The following GFPT1 variants were observed in gnomAD, a reference collection of about 807,000 sequenced individuals.
GFPT1 encodes the protein glutamine--fructose-6-phosphate transaminase 1.
A neutral mutation model predicts 92.0 loss-of-function variants in GFPT1; 40 were observed. That is an observed-to-expected ratio of 0.43 (90% confidence interval 0.34 to 0.57). The LOEUF (loss-of-function observed/expected upper bound fraction) is 0.57. Ranked by LOEUF, GFPT1 falls within the 20% of genes least tolerant of loss-of-function variation. The probability of loss-of-function intolerance (pLI) is 0.02; values close to 1 mark genes in which losing one functional copy is unlikely to be tolerated. For synonymous variants in GFPT1, 269 were observed against 280.6 expected (o/e 0.96, Z 0.41); for missense variants, 448 against 869.1 (o/e 0.52, Z 6.09).
chr2:69,349,721 T>C (rs961314425), intron 10 of GFPT1, among the ~76,000 whole-genome samples: 1 of 152,196 alleles, frequency 6.6e-6, no homozygotes, highest in Non-Finnish European at 1.5e-5. Context: ...TTAGCAACTA[T>C]GCTATAACTA....
At chr2:69,357,513 G>C (rs1437182537) in intron 6 of GFPT1, among the ~76,000 whole-genome samples, 1 of 152,200 alleles carries the variant, frequency 6.6e-6, no homozygotes, top group African/African-American at 2.4e-5. Flanking sequence ...GGCTGGGAAG[G>C]CACACTACTC....
chr2:69,342,514 A>G (rs1275927437), intron 12 of GFPT1, among the ~76,000 whole-genome samples: 1 of 152,150 alleles, frequency 6.6e-6, no homozygotes, highest in East Asian at 1.9e-4. Flanking sequence ...ATTCTACCTT[A>G]GTTAGTTATT....
intron 1 of GFPT1, among the ~76,000 whole-genome samples, chr2:69,386,027 T>TAAA (rs370310082): frequency 1.7e-3 from 233 of 140,332 alleles, no homozygotes; most frequent in African/African-American, 5.7e-3. Context: ...TACTTCCCTT[T>TAAA]AAAAAAAAAA....
At chr2:69,365,635 A>G (rs1390701219) in intron 3 of GFPT1, among the ~76,000 whole-genome samples, 1 of 152,196 alleles carries the variant, frequency 6.6e-6, no homozygotes, top group East Asian at 1.9e-4. Flanking sequence ...TATACATGGC[A>G]GATACCTTTT....
Position 69,324,351 on chromosome 2 carries a change from C to A in GFPT1, c.*1838G>T, listed in dbSNP as rs1020932674. 3 of 152,074 alleles carry A rather than the reference C, an allele frequency of 2.0e-5. No individual in the cohort carries two copies. Among genetic ancestry groups the A allele is most frequent in the Non-Finnish European group, 4.4e-5 (3 of 68,024 alleles). 9.4% of individuals were successfully genotyped at this position (152,074 alleles called of 1,614,324 possible). A position where few individuals can be genotyped will look rare whatever the true frequency, so the allele number is the denominator to read the frequency against. On this transcript the variant is annotated 3_prime_UTR_variant, in exon 20 of 20. Transcript: ENST00000357308. ...CTATAAGAAATGCTACAAACCCACACAAATTGTGTTTGTAAAACGTTAATA... is the reference window on the plus strand; with the variant it reads ...CTATAAGAAATGCTACAAACCCACAAAAATTGTGTTTGTAAAACGTTAATA...
Position 69,354,571 on chromosome 2 carries a change from G to T in GFPT1, c.606-3C>A. ...CAATCAACAGAGGGCTACCTCGCCT[G>T]TAAATTGCAAAAGCAGTTAGAATTA... On this transcript the variant is annotated splice_region_variant and splice_polypyrimidine_tract_variant and intron_variant, in intron 7 of 19. Coordinates refer to ENST00000357308, the MANE Select transcript of GFPT1 (RefSeq NM_001244710.2). 6.3e-7 allele frequency: 1 copy of T among 1,593,262 alleles called. No individual in the cohort carries two copies.
chr2:69,356,741 A>ATTTTTT (rs67434964), intron 6 of GFPT1, among the ~76,000 whole-genome samples, 184 bp from the exon 7 acceptor site: 1 of 143,388 alleles, frequency 7.0e-6, no homozygotes. Flanking sequence ...CAAGACCCAC[A>ATTTTTT]TTTTTTTTTT....
intron 15 of GFPT1, among the ~76,000 whole-genome samples, chr2:69,335,316 A>C (rs1215870546): frequency 6.6e-6 from 1 of 152,118 alleles, no homozygotes; most frequent in Non-Finnish European, 1.5e-5. Flanking sequence ...CTGTATGTAA[A>C]ATTTTTAAAA....
chr2:69,349,218 T>C (rs1013873442), intron 10 of GFPT1, among the ~76,000 whole-genome samples: 1 of 152,234 alleles, frequency 6.6e-6, no homozygotes, highest in African/African-American at 2.4e-5. Context: ...AATATTTTTA[T>C]TTTTACTCAC....
At chr2:69,345,816 C>T (rs1671067514) in intron 12 of GFPT1, 88 bp downstream of exon 12, 1 of 796,908 alleles carries the variant, frequency 1.3e-6, no homozygotes, top group Non-Finnish European at 2.2e-6. Flanking sequence ...TTCTACAAGG[C>T]TATTAAGGGC....
At chr2:69,331,709 A>C (rs6757629) in intron 15 of GFPT1, among the ~76,000 whole-genome samples, 102,661 of 151,916 alleles carry the variant, frequency 0.68, 36,241 homozygotes, top group African/African-American at 0.9. Context: ...AGACAGAGTA[A>C]TATATTTCTG....
chr2:69,379,054 G>A (rs890522700), intron 1 of GFPT1, among the ~76,000 whole-genome samples: 2 of 152,052 alleles, frequency 1.3e-5, no homozygotes, highest in Admixed American at 6.6e-5. Flanking sequence ...AAACCAGCCA[G>A]GGCAACATAC....
At chr2:69,347,821 G>A (rs1671120350) in intron 11 of GFPT1, among the ~76,000 whole-genome samples, 1 of 151,980 alleles carries the variant, frequency 6.6e-6, no homozygotes, top group Non-Finnish European at 1.5e-5. Context: ...ACCTTAATGA[G>A]GCAGGCTATA....
chr2:69,373,861 T>C, intron 2 of GFPT1, 145 bp downstream of exon 2: 1 of 524,070 alleles, frequency 1.9e-6, no homozygotes, highest in Admixed American at 2.9e-5. Flanking sequence ...AAATAAATCC[T>C]TTAAATATGA....
chr2:69,345,675 T>C (rs560816258), intron 12 of GFPT1, among the ~76,000 whole-genome samples: 1 of 152,302 alleles, frequency 6.6e-6, no homozygotes, highest in Admixed American at 6.5e-5. Flanking sequence ...CCCACAGCCC[T>C]TGGTAACCAT....
chr2:69,342,938 C>T (rs1369031876), intron 12 of GFPT1, among the ~76,000 whole-genome samples: 1 of 152,156 alleles, frequency 6.6e-6, no homozygotes, highest in Non-Finnish European at 1.5e-5. Context: ...TCTGATCCCT[C>T]CACATTTATC....
chr2:69,329,859 T>C (rs762539668), intron 15 of GFPT1, 61 bp from the exon 16 acceptor site: 2 of 890,300 alleles, frequency 2.2e-6, no homozygotes, highest in Non-Finnish European at 3.8e-6. Flanking sequence ...ATTTAGAACT[T>C]TTAATTTTAA....
intron 5 of GFPT1, 98 bp downstream of exon 5, chr2:69,359,170 A>G: frequency 1.3e-6 from 1 of 751,514 alleles, no homozygotes; most frequent in South Asian, 1.4e-5. Context: ...AATTGATGAC[A>G]CACATATGGT....
chr2:69,384,930 G>C (rs986221182), intron 1 of GFPT1, among the ~76,000 whole-genome samples: 1 of 152,076 alleles, frequency 6.6e-6, no homozygotes, highest in Non-Finnish European at 1.5e-5. Context: ...CAATGACTAA[G>C]ATGTGGGAGG....
Sources: allele counts gnomAD v4.1 joint callset (sites outside exome capture counted in the v4.1 genomes callset), GRCh38; gene constraint gnomAD v4.1.1; transcripts MANE v1.5; gene names NCBI Gene and HGNC (gene_info 2026-07-23, HGNC 2026-07-21).